Variants in FSD2 observed in about 807,000 individuals in gnomAD.
FSD2 encodes the protein fibronectin type III and SPRY domain containing 2.
Under a neutral mutation model 80.4 loss-of-function variants are expected in FSD2, and 71 were observed. The observed-to-expected ratio is 0.88, with a 90% CI of 0.73 to 1.08. FSD2 has a LOEUF of 1.08. Ranked by LOEUF, FSD2 falls within the 50% of genes least tolerant of loss-of-function variation. The pLI is 0.00. For synonymous variants in FSD2, 361 were observed against 329.5 expected, an observed-to-expected ratio of 1.10 and a Z score of -1.03; for missense variants, 923 against 913.8, an observed-to-expected ratio of 1.01 and a Z score of -0.13.
In FSD2 at chr15:82,755,665, A is replaced by T. The variant is rs1467499013; in HGVS notation, c.*3683T>A. On this transcript the variant is annotated 3_prime_UTR_variant, in exon 13 of 13. Transcript: ENST00000334574. ...AAGAACCACCACCTGTTCAGTAGCA[A>T]CTCTAAAATAAGTACTAACTTAGGG... 1.3e-5 allele frequency: 2 copies of T among 153,378 alleles called. No individual in the cohort carries two copies. Among genetic ancestry groups the T allele is most frequent in the African/African-American group, 4.8e-5 (2 of 41,378 alleles). The allele number at this position is 153,378 out of a possible 1,614,324, so 9.5% of individuals were successfully genotyped here. A position where few individuals can be genotyped will look rare whatever the true frequency, so the allele number is the denominator to read the frequency against.
intron 6 of FSD2, among the ~76,000 whole-genome samples, chr15:82,777,456 A>T (rs979036033): frequency 2.0e-5 from 3 of 152,246 alleles, no homozygotes; most frequent in African/African-American, 4.8e-5. Flanking sequence ...GCCACCTTGT[A>T]TATGAAAGAG....
intron 3 of FSD2, among the ~76,000 whole-genome samples, chr15:82,784,913 C>G (rs540890235): frequency 6.6e-6 from 1 of 152,182 alleles, no homozygotes; most frequent in Non-Finnish European, 1.5e-5. Context: ...AGGGCACACA[C>G]AGGGGACTGT....
Position 82,786,910 on chromosome 15 carries a change from ACTC to A in FSD2, c.478_480del (p.Glu160del). 1 of 1,613,508 alleles carries A rather than the reference ACTC, an allele frequency of 6.2e-7. No homozygotes were observed. The highest frequency in any genetic ancestry group is 2.2e-5 in the East Asian group (1 of 44,854). On this transcript the variant is annotated inframe_deletion, in exon 2 of 13. Transcript: ENST00000334574. ...TCCTCGGGGATGACATAGCATTCAT[ACTC>A]CTCGCTGGCACGGCCGTGTGTGTAC...
At chr15:82,805,461 G>T (rs1250178314) in intron 1 of FSD2, among the ~76,000 whole-genome samples, 4 of 152,194 alleles carry the variant, frequency 2.6e-5, no homozygotes, top group Non-Finnish European at 5.9e-5. Context: ...TGCAGACACT[G>T]CCCGAACCTG....
intron 1 of FSD2, among the ~76,000 whole-genome samples, chr15:82,804,799 A>G (rs545979887): frequency 1.3e-5 from 2 of 152,308 alleles, no homozygotes; most frequent in Admixed American, 1.3e-4. Context: ...TCGAACACAC[A>G]ACACAAAGTG....
rs2049235822 is a variant in FSD2, at chr15:82,759,394, T to C, written c.2204A>G (p.Lys735Arg). 1 of 1,613,598 alleles carries C rather than the reference T, an allele frequency of 6.2e-7. No individual in the cohort carries two copies. The highest frequency in any genetic ancestry group is 8.5e-7 in the Non-Finnish European group (1 of 1,179,792). Reference protein sequence around the residue: ...CFSLEKPGCLKVHNGISMPKH... With the variant: ...CFSLEKPGCLRVHNGISMPKH... ...TGGCATTGAAATGCCATTATGTACC[T>C]TTAGACACCCAGGCTTTTCCAAAGA... Residue 735 changes from lysine (K) to arginine (R), a missense_variant, in exon 13 of 13, where the codon AAG (lysine) becomes AGG (arginine). Physicochemically the swap from Lys to Arg is conservative, Grantham distance 26. Transcript: ENST00000334574.
At position 82,755,456 on chromosome 15, in the gene FSD2, T is replaced by C. The variant is rs2049156950; in HGVS notation, c.*3892A>G. On this transcript the variant is annotated 3_prime_UTR_variant, in exon 13 of 13. Transcript: ENST00000334574. ...AATTTGTAACATTTCAAATAAATGA[T>C]AGTTTAATTCCTCCAGGATTTGAGT... 1 of 152,166 alleles carries C rather than the reference T, an allele frequency of 6.6e-6. No homozygotes were observed. The highest frequency in any genetic ancestry group is 2.4e-5 in the African/African-American group (1 of 41,446). 9.4% of individuals were successfully genotyped at this position (152,166 alleles called of 1,614,324 possible).
intron 11 of FSD2, among the ~76,000 whole-genome samples, chr15:82,764,323 T>C (rs1420212471): frequency 6.6e-6 from 1 of 152,102 alleles, no homozygotes; most frequent in Non-Finnish European, 1.5e-5. Flanking sequence ...AGCCACTTCA[T>C]ATACATAGGG....
At chr15:82,792,105 G>T (rs1292319100) in intron 1 of FSD2, among the ~76,000 whole-genome samples, 1 of 152,194 alleles carries the variant, frequency 6.6e-6, no homozygotes, top group East Asian at 1.9e-4. Flanking sequence ...TCTCTTGCAG[G>T]TATATACCCA....
Position 82,799,581 on chromosome 15 carries a change from G to A in FSD2, c.-79+6385C>T, listed in dbSNP as rs140628821. Reference sequence around the variant, plus strand: ...CTGTCTTGAGCAGCCCCCTCCAGCAGCCCCCTCAAACTCAGCACTGCCAGA... The same window carrying A: ...CTGTCTTGAGCAGCCCCCTCCAGCAACCCCCTCAAACTCAGCACTGCCAGA... On this transcript the variant is annotated intron_variant, in intron 1 of 12. Coordinates refer to ENST00000334574, the MANE Select transcript of FSD2 (RefSeq NM_001007122.4). Among the ~76,000 whole-genome samples, 9 of 152,248 alleles carry A rather than the reference G, an allele frequency of 5.9e-5. No homozygotes were observed. The East Asian group carries it at 1.7e-3, about 29-fold the overall frequency.
chr15:82,782,101 T>A (rs1433850772), intron 4 of FSD2, among the ~76,000 whole-genome samples: 2 of 119,726 alleles, frequency 1.7e-5, no homozygotes, highest in African/African-American at 3.4e-5. Context: ...ATAATAATAA[T>A]AATAAAACTC....
chr15:82,778,074 C>T (rs1338426970), intron 6 of FSD2, among the ~76,000 whole-genome samples: 1 of 140,390 alleles, frequency 7.1e-6, no homozygotes, highest in Non-Finnish European at 1.5e-5. Flanking sequence ...AATTTGAGGC[C>T]AGCCTGGGCA....
chr15:82,778,967 A>G, intron 5 of FSD2, 80 bp from the exon 6 acceptor site: 1 of 1,483,420 alleles, frequency 6.7e-7, no homozygotes, highest in Non-Finnish European at 9.2e-7. Flanking sequence ...AGTCACTGTC[A>G]TAAATGAAGA....
intron 12 of FSD2, among the ~76,000 whole-genome samples, chr15:82,761,424 G>A (rs2049293661): frequency 6.6e-6 from 1 of 152,168 alleles, no homozygotes; most frequent in Admixed American, 6.5e-5. Context: ...ACCAGAATTA[G>A]CCATAACTAC....
At chr15:82,778,159 A>ATATATATATATATATATAT (rs2049768250) in intron 6 of FSD2, among the ~76,000 whole-genome samples, 1 of 62,006 alleles carries the variant, frequency 1.6e-5, no homozygotes, top group African/African-American at 8.6e-5. Flanking sequence ...TATATATATA[A>ATATATATATATATATATAT]TAACTATTAC....
At chr15:82,768,231 A>G (rs932059164) in intron 9 of FSD2, among the ~76,000 whole-genome samples, 8 of 152,144 alleles carry the variant, frequency 5.3e-5, no homozygotes, top group Non-Finnish European at 1.2e-4. Context: ...TCTGAATTCT[A>G]GCTAGGTGGG....
chr15:82,778,252 C>T (rs1218103569), intron 6 of FSD2, among the ~76,000 whole-genome samples: 1 of 149,632 alleles, frequency 6.7e-6, no homozygotes, highest in Non-Finnish European at 1.5e-5. Context: ...TTCATTGCAG[C>T]ATTATTCACA....
intron 1 of FSD2, chr15:82,796,432 G>A (rs1451136360): frequency 6.5e-6 from 1 of 153,908 alleles, no homozygotes; most frequent in Admixed American, 6.5e-5. Flanking sequence ...GTGAGCTGAA[G>A]AAGTTGGCAG....
chr15:82,762,323 G>A, intron 11 of FSD2, 45 bp from the exon 12 acceptor site: 2 of 1,587,648 alleles, frequency 1.3e-6, no homozygotes, highest in Non-Finnish European at 1.7e-6. Context: ...GGTGCCCCAA[G>A]CCTGGCTGTG....
Sources: gnomAD v4.1 joint callset for allele counts (sites outside exome capture counted in the v4.1 genomes callset) on GRCh38, gnomAD v4.1.1 for gene constraint, MANE v1.5 for transcripts, NCBI Gene and HGNC (gene_info 2026-07-23, HGNC 2026-07-21) for gene names.